Variants in TTC28 observed in about 807,000 individuals in gnomAD.
The protein encoded by TTC28 is tetratricopeptide repeat protein 28.
Under a neutral mutation model 198.0 loss-of-function variants are expected in TTC28, and 61 were observed. The observed-to-expected ratio is 0.31, with a 90% CI of 0.25 to 0.38. The LOEUF (loss-of-function observed/expected upper bound fraction) is 0.38. Ranked by LOEUF, TTC28 falls within the 10% of genes least tolerant of loss-of-function variation. The pLI is 1.00. For missense variants in TTC28, 2,678 were observed against 3,164.0 expected, an observed-to-expected ratio of 0.85 and a Z score of 3.69; for synonymous variants, 1,171 against 1,297.8, an observed-to-expected ratio of 0.90 and a Z score of 2.10.
At chr22:28,432,024 G>A (rs969836918) in intron 2 of TTC28, among the ~76,000 whole-genome samples, 3 of 151,748 alleles carry the variant, frequency 2.0e-5, no homozygotes, top group African/African-American at 4.8e-5. Flanking sequence ...AGTGGCTCAT[G>A]CCTGTAATCC....
At chr22:27,984,539 C>T (rs558941738) in intron 22 of TTC28, among the ~76,000 whole-genome samples, 70 of 152,156 alleles carry the variant, frequency 4.6e-4, no homozygotes, top group African/African-American at 1.6e-3. Context: ...GCATGCACCC[C>T]GGGTGATGCC....
At chr22:28,036,249 A>G (rs1939339806) in intron 12 of TTC28, among the ~76,000 whole-genome samples, 2 of 152,192 alleles carry the variant, frequency 1.3e-5, no homozygotes, top group African/African-American at 4.8e-5. Context: ...AATAAAATTG[A>G]TTTACTACAA....
At chr22:28,143,830 C>T (rs1943398799) in intron 6 of TTC28, among the ~76,000 whole-genome samples, 1 of 152,174 alleles carries the variant, frequency 6.6e-6, no homozygotes, top group Admixed American at 6.5e-5. Context: ...TATTTTTTCA[C>T]CAGCAAAGGA....
chr22:28,670,137 TG>T (rs1458898293), intron 1 of TTC28, among the ~76,000 whole-genome samples: 5 of 149,548 alleles, frequency 3.3e-5, no homozygotes, highest in African/African-American at 9.7e-5. Context: ...TCTTTAATGA[TG>T]TTTTTTAAGG....
intron 5 of TTC28, among the ~76,000 whole-genome samples, chr22:28,246,705 G>A (rs936794229): frequency 1.3e-5 from 2 of 152,066 alleles, no homozygotes; most frequent in East Asian, 1.9e-4. Context: ...GTAACAGACC[G>A]AAGACCACAA....
At position 27,982,996 on chromosome 22, in the gene TTC28, C is replaced by T. The variant is rs1295379611; in HGVS notation, c.6671G>A (p.Ser2224Asn). 4.5e-6 allele frequency: 7 copies of T among 1,551,556 alleles called. No individual in the cohort carries two copies. The highest frequency in any genetic ancestry group is 5.2e-6 in the Non-Finnish European group (6 of 1,147,002). The change falls in exon 23 of 23, where the codon AGT becomes AAT. Residue 2224 changes from serine to asparagine, a missense_variant. Physicochemically the swap from Ser to Asn is conservative, Grantham distance 46 (BLOSUM62 1). Transcript: ENST00000397906. The surrounding 1 kb of genome is among the most constrained non-coding windows in gnomAD (Gnocchi z 5.2). ...FSRPVLSHQK[S>N]QPSPVTVKPK... Reference sequence around the variant, plus strand: ...TTTAACAGTGACTGGTGATGGCTGACTCTTCTGATGGGAGAGAACAGGCCT... The same window carrying T: ...TTTAACAGTGACTGGTGATGGCTGATTCTTCTGATGGGAGAGAACAGGCCT...
At position 28,442,358 on chromosome 22, in the gene TTC28, C is replaced by T. The variant is rs1295208660; in HGVS notation, c.382-135715G>A. On this transcript the variant is annotated intron_variant, in intron 2 of 22. Transcript: ENST00000397906. ...AGCCCCAGGCGCTCAGGCAGGAGGC[C>T]TCTCGGCCCGCCGCCCCGGAACCAG... Among the ~76,000 whole-genome samples the T allele has an allele frequency of 7.2e-5, 11 of 152,372 alleles. No homozygotes were observed. In the East Asian group the frequency reaches 2.1e-3, roughly 29 times the overall value.
rs1601414281 is a variant in TTC28, at chr22:28,451,293, G to C, written c.382-144650C>G. Among the ~76,000 whole-genome samples, 3 of 152,082 alleles carry C rather than the reference G, an allele frequency of 2.0e-5. No individual in the cohort carries two copies. In the East Asian group the frequency reaches 5.8e-4, roughly 29 times the overall value. ...AGAAAGGTCATGTCTTCGCAGAAGGGGTAAACTAGCCCAGACTAAAGTGTA... is the reference window on the plus strand; with the variant it reads ...AGAAAGGTCATGTCTTCGCAGAAGGCGTAAACTAGCCCAGACTAAAGTGTA... On this transcript the variant is annotated intron_variant, in intron 2 of 22. Coordinates refer to ENST00000397906, the MANE Select transcript of TTC28 (RefSeq NM_001145418.2).
intron 1 of TTC28, among the ~76,000 whole-genome samples, chr22:28,650,261 C>T (rs1008354633): frequency 3.9e-5 from 6 of 152,026 alleles, no homozygotes. Context: ...GAAAATTGAT[C>T]ACCCTTCCAT....
At chr22:28,042,501 C>T (rs1388328608) in intron 12 of TTC28, among the ~76,000 whole-genome samples, 1 of 151,996 alleles carries the variant, frequency 6.6e-6, no homozygotes, top group Non-Finnish European at 1.5e-5. Context: ...AAACACCACA[C>T]ATTTTCACTC....
chr22:28,026,446 C>T (rs1938839878), intron 13 of TTC28, among the ~76,000 whole-genome samples: 2 of 152,168 alleles, frequency 1.3e-5, no homozygotes, highest in African/African-American at 4.8e-5. Flanking sequence ...GGCCGGCCCA[C>T]TCCCACCTAG....
chr22:27,985,377 A>C (rs1369974817), intron 21 of TTC28, 21 bp from the exon 22 acceptor site: 2 of 1,529,216 alleles, frequency 1.3e-6, no homozygotes, highest in East Asian at 2.5e-5. Flanking sequence ...AAAGAATATA[A>C]GCATCTGCTT....
intron 6 of TTC28, among the ~76,000 whole-genome samples, chr22:28,126,034 A>G (rs1473041702): frequency 6.6e-6 from 1 of 152,226 alleles, no homozygotes; most frequent in Non-Finnish European, 1.5e-5. Flanking sequence ...ACTGAAAGAC[A>G]CTGTACCCCT....
At position 27,981,928 on chromosome 22, in the gene TTC28, TC is replaced by T; in HGVS notation, c.*292del. 3.0e-6 allele frequency: 1 copy of T among 334,036 alleles called. No individual in the cohort carries two copies. The highest frequency in any genetic ancestry group is 5.4e-6 in the Non-Finnish European group (1 of 185,640). The allele number at this position is 334,036 out of a possible 1,614,324, so 20.7% of individuals were successfully genotyped here. On this transcript the variant is annotated 3_prime_UTR_variant, in exon 23 of 23. Transcript: ENST00000397906. ...TACAAAATCCTGGTGAAGAATCATATCAAAGATGAGAAGCAGGGAGTTCAAA... is the reference window on the plus strand; with the variant it reads ...TACAAAATCCTGGTGAAGAATCATATAAAGATGAGAAGCAGGGAGTTCAAA...
chr22:28,365,287 A>G (rs985261007), intron 2 of TTC28, among the ~76,000 whole-genome samples: 2 of 152,254 alleles, frequency 1.3e-5, no homozygotes, highest in Non-Finnish European at 2.9e-5. Flanking sequence ...CAGTGTAAAC[A>G]TAACTTTTAT....
At chr22:28,332,502 GAATATTATT>G (rs2045632695) in intron 2 of TTC28, among the ~76,000 whole-genome samples, 1 of 151,848 alleles carries the variant, frequency 6.6e-6, no homozygotes, top group Non-Finnish European at 1.5e-5. Context: ...AAATTATTAT[GAATATTATT>G]AATGGCAAAT....
chr22:28,246,862 G>T (rs2147264884), intron 5 of TTC28, among the ~76,000 whole-genome samples: 1 of 152,204 alleles, frequency 6.6e-6, no homozygotes, highest in South Asian at 2.1e-4. Context: ...GGCAGAATAA[G>T]AGATGGGGAT....
intron 2 of TTC28, among the ~76,000 whole-genome samples, chr22:28,450,904 G>T (rs1313713891): frequency 6.6e-6 from 1 of 152,126 alleles, no homozygotes; most frequent in African/African-American, 2.4e-5. Context: ...TGATCACTCT[G>T]GCTTTCTGCT....
intron 5 of TTC28, among the ~76,000 whole-genome samples, chr22:28,199,466 C>A (rs1308387623): frequency 1.4e-5 from 2 of 138,728 alleles, no homozygotes; most frequent in Non-Finnish European, 3.1e-5. Context: ...CATGATTGTG[C>A]CACTGTACTC....
Sources: gnomAD v4.1 joint callset for allele counts (sites outside exome capture counted in the v4.1 genomes callset) on GRCh38, gnomAD v4.1.1 for gene constraint, Gnocchi (gnomAD v3.1) non-coding constraint, MANE v1.5 for transcripts, NCBI Gene and HGNC (gene_info 2026-07-23, HGNC 2026-07-21) for gene names.